DIS3L2: variants seen among roughly 807,000 people sequenced by gnomAD.
DIS3L2 encodes the protein DIS3 like 3'-5' exoribonuclease 2, also known as DIS3-like exonuclease 2.
A neutral mutation model predicts 97.5 loss-of-function variants in DIS3L2; 34 were observed. That is an observed-to-expected ratio of 0.35 (90% CI 0.27 to 0.46). The LOEUF is 0.46. DIS3L2 is among the 20% of genes least tolerant of loss of function. The pLI is 1.00. For synonymous variants in DIS3L2, 435 were observed against 445.2 expected (o/e 0.98, Z 0.29); for missense variants, 1,038 against 1,146.0 (o/e 0.91, Z 1.36).
chr2:232,226,317 C>T (rs1285603908), intron 10 of DIS3L2, among the ~76,000 whole-genome samples: 2 of 152,174 alleles, frequency 1.3e-5, no homozygotes, highest in Non-Finnish European at 2.9e-5. Flanking sequence ...TAGGTGAGCA[C>T]ATTGTTACTG....
intron 1 of DIS3L2, among the ~76,000 whole-genome samples, chr2:232,004,074 T>C (rs959505130): frequency 2.0e-5 from 3 of 147,060 alleles, no homozygotes; most frequent in Non-Finnish European, 4.6e-5. Flanking sequence ...ATTCCCCTTA[T>C]TTATTTGTTT....
chr2:232,136,851 T>C, intron 8 of DIS3L2, 132 bp downstream of exon 8: 1 of 1,206,578 alleles, frequency 8.3e-7, no homozygotes, highest in Non-Finnish European at 1.1e-6. Context: ...ATTTTGGTCC[T>C]GATTCTTCAG....
intron 8 of DIS3L2, among the ~76,000 whole-genome samples, chr2:232,144,896 G>A (rs1026175945): frequency 6.6e-6 from 1 of 152,160 alleles, no homozygotes; most frequent in African/African-American, 2.4e-5. Flanking sequence ...GACATTATTG[G>A]GAAAGATACC....
intron 10 of DIS3L2, among the ~76,000 whole-genome samples, chr2:232,233,152 G>A (rs573312537): frequency 3.3e-5 from 5 of 152,286 alleles, no homozygotes; most frequent in Admixed American, 2.6e-4. Context: ...GGCTTTCCAG[G>A]CATCACATGT....
At chr2:232,108,464 G>A (rs1481114566) in intron 6 of DIS3L2, among the ~76,000 whole-genome samples, 1 of 152,008 alleles carries the variant, frequency 6.6e-6, no homozygotes, top group African/African-American at 2.4e-5. Flanking sequence ...GAAAACCCTC[G>A]TAAGACAAGG....
chr2:232,237,525 C>T (rs1692965028), intron 10 of DIS3L2, among the ~76,000 whole-genome samples: 1 of 152,140 alleles, frequency 6.6e-6, no homozygotes, highest in Admixed American at 6.5e-5. Flanking sequence ...GCCTTATTTG[C>T]TGGAGCTTAC....
rs1459638636 is a variant in DIS3L2, at chr2:232,086,628, T to TATAC, written c.367-858_367-857insTACA. Among the ~76,000 whole-genome samples, 6 of 97,680 alleles carry TATAC rather than the reference T, an allele frequency of 6.1e-5. 1 individual carries two copies. Among genetic ancestry groups the TATAC allele is most frequent in the East Asian group, 8.0e-4 (2 of 2,510 alleles). The allele number at this position is 97,680 out of a possible 152,430, so 64.1% of individuals were successfully genotyped here. A position where few individuals can be genotyped will look rare whatever the true frequency, so the allele number is the denominator to read the frequency against. On this transcript the variant is annotated intron_variant, in intron 5 of 20. Coordinates refer to ENST00000325385, the MANE Select transcript of DIS3L2 (RefSeq NM_152383.5). Reference sequence around the variant, plus strand: ...GTGTGTGTGTGTATATATATATATATACACATATATATATATGTATATATA... The same window carrying TATAC: ...GTGTGTGTGTGTATATATATATATATATACACACATATATATATATGTATATATA...
chr2:232,267,277 G>A (rs1300391144), intron 13 of DIS3L2, among the ~76,000 whole-genome samples: 1 of 152,198 alleles, frequency 6.6e-6, no homozygotes, highest in Non-Finnish European at 1.5e-5. Flanking sequence ...GAAACAGATA[G>A]GGAAGCACTG....
rs149475671 is a variant in DIS3L2, at chr2:232,139,128, G to T, written c.950+2409G>T. 1.5e-3 allele frequency among the ~76,000 whole-genome samples: 223 copies of T among 152,278 alleles called. 2 individuals are homozygous for T. Among genetic ancestry groups the T allele is most frequent in the African/African-American group, 5.0e-3 (209 of 41,562 alleles). ...TTGAACTAATTTAAATAAAAGTAGA[G>T]ATTAATATAAGAAGCTGGTGATTCT... On this transcript the variant is annotated intron_variant, in intron 8 of 20. Coordinates refer to ENST00000325385, the MANE Select transcript of DIS3L2 (RefSeq NM_152383.5).
At chr2:232,090,572 A>C (rs1317114224) in intron 6 of DIS3L2, among the ~76,000 whole-genome samples, 3 of 152,202 alleles carry the variant, frequency 2.0e-5, no homozygotes, top group Non-Finnish European at 4.4e-5. Flanking sequence ...TAATAAAAAA[A>C]ATCTGGTTAC....
chr2:232,051,056 C>T (rs1695385744), intron 5 of DIS3L2, among the ~76,000 whole-genome samples: 2 of 152,300 alleles, frequency 1.3e-5, no homozygotes, highest in South Asian at 2.1e-4. Context: ...GGAAGAGACG[C>T]ATGCATTCCT....
At chr2:232,116,090 TG>T (rs1388575711) in intron 6 of DIS3L2, among the ~76,000 whole-genome samples, 3 of 151,574 alleles carry the variant, frequency 2.0e-5, no homozygotes, top group Non-Finnish European at 2.9e-5. Flanking sequence ...AGGAATCACT[TG>T]AACTCTGGAG....
chr2:232,067,549 C>T (rs1428386126), intron 5 of DIS3L2, among the ~76,000 whole-genome samples: 1 of 152,136 alleles, frequency 6.6e-6, no homozygotes, highest in Non-Finnish European at 1.5e-5. Context: ...TCATGTGGCT[C>T]AGCATATGGT....
intron 13 of DIS3L2, among the ~76,000 whole-genome samples, chr2:232,286,787 G>C (rs1425582504): frequency 2.0e-5 from 3 of 152,126 alleles, no homozygotes; most frequent in Non-Finnish European, 4.4e-5. Flanking sequence ...CCCTGTTATT[G>C]GGGTTTTATT....
intron 3 of DIS3L2, among the ~76,000 whole-genome samples, chr2:232,023,891 A>AG (rs1466942008): frequency 7.2e-6 from 1 of 139,790 alleles, no homozygotes; most frequent in Non-Finnish European, 1.5e-5. Context: ...TGGAACTGGG[A>AG]GAAAAAAAAG....
chr2:232,267,093 C>T (rs1291784370), intron 13 of DIS3L2, among the ~76,000 whole-genome samples: 1 of 152,192 alleles, frequency 6.6e-6, no homozygotes, highest in Non-Finnish European at 1.5e-5. Flanking sequence ...TTGCAGTTGG[C>T]AACTTAGACC....
At position 232,293,323 on chromosome 2, in the gene DIS3L2, G is replaced by A. The variant is rs1245788581; in HGVS notation, c.1660-6717G>A. On this transcript the variant is annotated intron_variant, in intron 13 of 20. Coordinates refer to ENST00000325385, the MANE Select transcript of DIS3L2 (RefSeq NM_152383.5). This position sits in a 1 kb window ranked among gnomAD's most constrained non-coding sequence, Gnocchi z 4.6. ...GAAAAAGAAATTATTTTGAAGGAAT[G>A]ACATTGGACACCTGCTGTGACAGTG... 6.6e-6 allele frequency among the ~76,000 whole-genome samples: 1 copy of A among 152,206 alleles called. No individual in the cohort carries two copies. The highest frequency in any genetic ancestry group is 1.5e-5 in the Non-Finnish European group (1 of 68,036).
rs80208923 is a variant in DIS3L2 at position 232,215,811 on chromosome 2, G to A, written c.1204+5406G>A. On this transcript the variant is annotated intron_variant, in intron 10 of 20. Coordinates refer to ENST00000325385, the MANE Select transcript of DIS3L2 (RefSeq NM_152383.5). Reference sequence around the variant, plus strand: ...GTGGTAGTTGTTTTAAAGAGCAAAGGGCTGAGATGAAGTCACTGGACCTGC... The same window carrying A: ...GTGGTAGTTGTTTTAAAGAGCAAAGAGCTGAGATGAAGTCACTGGACCTGC... Among the ~76,000 whole-genome samples the A allele has an allele frequency of 5.0e-3, 755 of 152,246 alleles. 2 individuals carry two copies. The highest frequency in any genetic ancestry group is 0.013 in the Admixed American group (192 of 15,290).
chr2:232,320,334 A>G (rs1352320489), intron 14 of DIS3L2, among the ~76,000 whole-genome samples: 1 of 151,874 alleles, frequency 6.6e-6, no homozygotes, highest in Non-Finnish European at 1.5e-5. Context: ...AGTTCAGTGG[A>G]AAAAAAAACA....
Sources: gnomAD v4.1 joint callset for allele counts (sites outside exome capture counted in the v4.1 genomes callset) on GRCh38, gnomAD v4.1.1 for gene constraint, Gnocchi (gnomAD v3.1) non-coding constraint, MANE v1.5 for transcripts, NCBI Gene and HGNC (gene_info 2026-07-23, HGNC 2026-07-21) for gene names.